The following JPH3 variants were observed in gnomAD, a reference collection of about 807,000 sequenced individuals.
JPH3 encodes junctophilin-3.
Under a neutral mutation model 59.6 loss-of-function variants are expected in JPH3, and 11 were observed. The ratio of observed to expected loss-of-function variants is 0.18; its 90% CI spans 0.12 to 0.31. JPH3 has a LOEUF of 0.31. Ranked by LOEUF, JPH3 falls within the 10% of genes least tolerant of loss-of-function variation. The probability of loss-of-function intolerance (pLI) is 1.00; values close to 1 mark genes in which losing one functional copy is unlikely to be tolerated. For missense variants in JPH3, 1,202 were observed against 1,105.7 expected (o/e 1.09, Z -1.24); for synonymous variants, 673 against 483.6 (o/e 1.39, Z -5.14).
chr16:87,655,618 G>T (rs2032474097), intron 2 of JPH3, among the ~76,000 whole-genome samples: 1 of 152,238 alleles, frequency 6.6e-6, no homozygotes, highest in Non-Finnish European at 1.5e-5. Context: ...CTCCCAAAGT[G>T]CTGGGATTAC....
At chr16:87,672,001 G>C (rs1176274362) in intron 2 of JPH3, among the ~76,000 whole-genome samples, 1 of 152,190 alleles carries the variant, frequency 6.6e-6, no homozygotes, top group Non-Finnish European at 1.5e-5. Context: ...GACGGGGTAC[G>C]TGCTGCGTTC....
intron 1 of JPH3, among the ~76,000 whole-genome samples, chr16:87,608,912 C>T (rs920699152): frequency 6.6e-6 from 1 of 152,230 alleles, no homozygotes; most frequent in African/African-American, 2.4e-5. Flanking sequence ...GTGCTGCACG[C>T]CTGTGGTCCC....
At chr16:87,678,850 G>A (rs765123786) in intron 2 of JPH3, among the ~76,000 whole-genome samples, 3 of 152,218 alleles carry the variant, frequency 2.0e-5, no homozygotes, top group Non-Finnish European at 4.4e-5. Context: ...ACGAGCCTGG[G>A]AACGCCGAGG....
intron 1 of JPH3, among the ~76,000 whole-genome samples, chr16:87,631,154 T>C (rs542062354): frequency 1.1e-4 from 16 of 152,316 alleles, no homozygotes; most frequent in African/African-American, 3.6e-4. Context: ...ACAAATACGT[T>C]TGTTTATTGA....
At chr16:87,645,106 C>A in intron 2 of JPH3, 71 bp downstream of exon 2, 3 of 1,465,624 alleles carry the variant, frequency 2.0e-6, no homozygotes, top group South Asian at 2.6e-5. Context: ...TCTGTTCAGT[C>A]CTGCTGTCGC....
At chr16:87,677,225 C>CACACACACAAAAA (rs1271128667) in intron 2 of JPH3, among the ~76,000 whole-genome samples, 5 of 81,722 alleles carry the variant, frequency 6.1e-5, no homozygotes, top group African/African-American at 2.1e-4. Flanking sequence ...CACACACACA[C>CACACACACAAAAA]AAAAAAAAAA....
chr16:87,658,210 C>G (rs1483055494), intron 2 of JPH3, among the ~76,000 whole-genome samples: 2 of 152,292 alleles, frequency 1.3e-5, no homozygotes, highest in African/African-American at 4.8e-5. Context: ...CTATAGCGAC[C>G]TCCTGAGGTC....
intron 2 of JPH3, among the ~76,000 whole-genome samples, chr16:87,671,344 G>T (rs972633730): frequency 6.6e-6 from 1 of 152,164 alleles, no homozygotes; most frequent in Non-Finnish European, 1.5e-5. Context: ...CCTCTGACCC[G>T]TCAGGGGCCC....
chr16:87,676,170 A>C (rs1408994864), intron 2 of JPH3, among the ~76,000 whole-genome samples: 1 of 152,214 alleles, frequency 6.6e-6, no homozygotes, highest in African/African-American at 2.4e-5. Context: ...GGCCATGGAA[A>C]TGTGCTCTTT....
intron 2 of JPH3, among the ~76,000 whole-genome samples, chr16:87,651,721 T>C (rs1316050314): frequency 6.6e-6 from 1 of 152,220 alleles, no homozygotes; most frequent in East Asian, 1.9e-4. Flanking sequence ...TGCTTAGGGG[T>C]GAAACGAGAA....
intron 2 of JPH3, among the ~76,000 whole-genome samples, chr16:87,670,851 G>A (rs2032996155): frequency 6.8e-6 from 1 of 146,356 alleles, no homozygotes; most frequent in African/African-American, 2.5e-5. Flanking sequence ...CTGGCAGCTT[G>A]TATGGGGGAA....
At chr16:87,667,542 G>C (rs902908977) in intron 2 of JPH3, among the ~76,000 whole-genome samples, 1 of 152,174 alleles carries the variant, frequency 6.6e-6, no homozygotes, top group Non-Finnish European at 1.5e-5. Context: ...GTCTTTGGGG[G>C]CCAGGTGGGT....
intron 2 of JPH3, among the ~76,000 whole-genome samples, chr16:87,659,116 G>A (rs967766509): frequency 6.6e-6 from 1 of 152,154 alleles, no homozygotes; most frequent in Non-Finnish European, 1.5e-5. Flanking sequence ...GCTCATGCTT[G>A]TAATCTCAGC....
intron 1 of JPH3, chr16:87,604,030 G>C: frequency 3.2e-6 from 3 of 949,880 alleles, no homozygotes; most frequent in Non-Finnish European, 3.8e-6. Flanking sequence ...GAGTGATGGG[G>C]AGCGCTAGGG....
chr16:87,660,199 C>T lies in JPH3; in HGVS notation c.1160+15164C>T, dbSNP rs544582667. Among the ~76,000 whole-genome samples, 9 of 152,308 alleles carry T rather than the reference C, an allele frequency of 5.9e-5. No homozygotes were observed. In the East Asian group the frequency reaches 9.6e-4, roughly 16 times the overall value. On this transcript the variant is annotated intron_variant, in intron 2 of 4. Coordinates refer to ENST00000284262, the MANE Select transcript of JPH3 (RefSeq NM_020655.4). ...GGACTAGCTGTGCGTCTCAGTAATACGGAGAGAACTTTGCAGGCCAATGGC... is the reference window on the plus strand; with the variant it reads ...GGACTAGCTGTGCGTCTCAGTAATATGGAGAGAACTTTGCAGGCCAATGGC...
chr16:87,673,089 T>C (rs964972894), intron 2 of JPH3, among the ~76,000 whole-genome samples: 1 of 151,482 alleles, frequency 6.6e-6, no homozygotes, highest in Non-Finnish European at 1.5e-5. Context: ...GAGGTTGCAG[T>C]GGGCCGAGAT....
chr16:87,679,100 C>A (rs1431368295), intron 2 of JPH3, among the ~76,000 whole-genome samples: 1 of 152,208 alleles, frequency 6.6e-6, no homozygotes, highest in Non-Finnish European at 1.5e-5. Context: ...GGCAGTGGGG[C>A]CCCCGTGTGC....
chr16:87,696,929 C>T lies in JPH3; in HGVS notation c.*269C>T. ...GGCCAGCACGCAGCCCCTCCAGCTC[C>T]ACGTGGAGACAGAAGGGATCCCGGC... On this transcript the variant is annotated 3_prime_UTR_variant, in exon 5 of 5. Transcript: ENST00000284262. 1 of 449,700 alleles carries T rather than the reference C, an allele frequency of 2.2e-6. No homozygotes were observed. The highest frequency in any genetic ancestry group is 4.1e-6 in the Non-Finnish European group (1 of 242,894). 27.9% of individuals were successfully genotyped at this position (449,700 alleles called of 1,614,324 possible).
intron 2 of JPH3, among the ~76,000 whole-genome samples, chr16:87,669,276 G>T (rs1356753283): frequency 6.6e-6 from 1 of 152,174 alleles, no homozygotes; most frequent in Non-Finnish European, 1.5e-5. Context: ...TTGCCTGCTG[G>T]GTAGGATGGG....
Sources: gnomAD v4.1 joint callset for allele counts (sites outside exome capture counted in the v4.1 genomes callset) on GRCh38, gnomAD v4.1.1 for gene constraint, MANE v1.5 for transcripts, NCBI Gene and HGNC (gene_info 2026-07-23, HGNC 2026-07-21) for gene names.